WBP4: variants seen among roughly 807,000 people sequenced by gnomAD.
WBP4 encodes WW domain-binding protein 4.
Under a neutral mutation model 55.4 loss-of-function variants are expected in WBP4, and 37 were observed. That is an observed-to-expected ratio of 0.67 (90% CI 0.51 to 0.88). The LOEUF (loss-of-function observed/expected upper bound fraction) is 0.88. Ranked by LOEUF, WBP4 falls within the 40% of genes least tolerant of loss-of-function variation. The pLI, the probability that WBP4 is intolerant of heterozygous loss-of-function variation, is 0.00. For missense variants in WBP4, 398 were observed against 420.8 expected (o/e 0.95, Z 0.47); for synonymous variants, 142 against 140.2 (o/e 1.01, Z -0.09).
At chr13:41,075,744 C>A (rs1004749953) in intron 7 of WBP4, among the ~76,000 whole-genome samples, 3 of 152,118 alleles carry the variant, frequency 2.0e-5, no homozygotes, top group African/African-American at 7.2e-5. Flanking sequence ...ATTATCAATA[C>A]GTTTCCTGAA....
At chr13:41,065,404 TG>T (rs1877930284) in intron 4 of WBP4, 117 bp downstream of exon 4, 1 of 1,363,596 alleles carries the variant, frequency 7.3e-7, no homozygotes, top group South Asian at 1.6e-5. Flanking sequence ...GTACTCTCAG[TG>T]CTTTTATTAT....
chr13:41,065,203 A>G lies in WBP4; in HGVS notation c.178A>G (p.Lys60Glu), dbSNP rs755811630. The G allele has an allele frequency of 1.3e-5, 21 of 1,613,232 alleles. No homozygotes were observed. The highest frequency in any genetic ancestry group is 1.8e-5 in the Non-Finnish European group (21 of 1,179,710). The change falls in exon 4 of 10, where the codon AAG (lysine) becomes GAG (glutamate). Residue 60 changes from lysine (K) to glutamate (E), a missense_variant. Transcript: ENST00000379487. Reference protein sequence around the residue: ...KSLDKAKEEEKASKEFAAMEA... With the variant: ...KSLDKAKEEEEASKEFAAMEA... ...CCTGGATAAGGCAAAGGAAGAAGAA[A>G]AGGCATCAAAGGAGTTTGCTGCAAT...
chr13:41,077,621 G>A (rs1016495797), intron 8 of WBP4, among the ~76,000 whole-genome samples: 3 of 152,162 alleles, frequency 2.0e-5, no homozygotes, highest in African/African-American at 7.2e-5. Flanking sequence ...CATAATATTG[G>A]AAGTGCTAGC....
At chr13:41,062,383 G>A in intron 1 of WBP4, 1 of 828,782 alleles carries the variant, frequency 1.2e-6, no homozygotes, top group Non-Finnish European at 1.5e-6. Flanking sequence ...TAACGATGAC[G>A]ATAACAAGTG....
rs1427720732 is a variant in WBP4 at position 41,082,725 on chromosome 13, TC to T, written c.944del (p.Pro315GlnfsTer55). ...CCAGTGAGGAGGTAGATTTGGAACTTCCAAGCACTGAAAATGAGTATGTATC... is the reference window on the plus strand; with the variant it reads ...CCAGTGAGGAGGTAGATTTGGAACTTCAAGCACTGAAAATGAGTATGTATC... Reference protein sequence around the residue: ...ESHEEVDLELPSTENEYVSTS... With the variant: ...ESHEEVDLELXSTENEYVSTS... On this transcript the variant is annotated frameshift_variant, in exon 10 of 10. Transcript: ENST00000379487. LOFTEE classifies it high-confidence loss of function. The T allele has an allele frequency of 4.3e-6, 7 of 1,613,896 alleles. No individual in the cohort carries two copies. Among genetic ancestry groups the T allele is most frequent in the Non-Finnish European group, 5.9e-6 (7 of 1,180,004 alleles).
intron 8 of WBP4, among the ~76,000 whole-genome samples, chr13:41,077,715 T>C (rs1479908023): frequency 1.3e-5 from 2 of 152,184 alleles, no homozygotes; most frequent in Admixed American, 1.3e-4. Context: ...GCTGATTAAA[T>C]GATCTTACTA....
intron 9 of WBP4, among the ~76,000 whole-genome samples, chr13:41,082,115 G>T (rs572126502): frequency 6.6e-6 from 1 of 152,142 alleles, no homozygotes; most frequent in Non-Finnish European, 1.5e-5. Context: ...TGAAGGGCTA[G>T]TTCTTAGCAA....
intron 5 of WBP4, among the ~76,000 whole-genome samples, chr13:41,070,136 A>G (rs986765846): frequency 1.3e-5 from 2 of 152,220 alleles, no homozygotes; most frequent in Non-Finnish European, 1.5e-5. Flanking sequence ...TTAAGATTAT[A>G]TGGGAACTCA....
At chr13:41,062,756 T>G (rs113780134) in intron 2 of WBP4, 40 bp downstream of exon 2, 1 of 1,566,480 alleles carries the variant, frequency 6.4e-7, no homozygotes. Flanking sequence ...ATAATAATTG[T>G]GTTGAATGAA....
intron 8 of WBP4, 68 bp from the exon 9 acceptor site, chr13:41,080,578 C>A: frequency 8.2e-7 from 1 of 1,219,446 alleles, no homozygotes; most frequent in Non-Finnish European, 1.1e-6. Context: ...CCTTTAAAAG[C>A]CTTAAATTTT....
chr13:41,068,989 T>A (rs767802768), intron 5 of WBP4, among the ~76,000 whole-genome samples: 3 of 152,222 alleles, frequency 2.0e-5, no homozygotes, highest in Admixed American at 6.5e-5. Flanking sequence ...CTTTATATTT[T>A]CTCAATAGAA....
At chr13:41,067,040 G>T (rs1490809992) in intron 4 of WBP4, among the ~76,000 whole-genome samples, 1 of 152,164 alleles carries the variant, frequency 6.6e-6, no homozygotes, top group African/African-American at 2.4e-5. Flanking sequence ...CCTGGTTGGA[G>T]TGCAGTGGCA....
Position 41,080,807 on chromosome 13 carries a change from T to C in WBP4, c.918T>C (p.Ser306=). 3.1e-6 allele frequency: 5 copies of C among 1,605,260 alleles called. No homozygotes were observed. Among genetic ancestry groups the C allele is most frequent in the Non-Finnish European group, 4.2e-6 (5 of 1,178,098 alleles). Residue 306 remains serine (S), a splice_region_variant and synonymous_variant, in exon 9 of 10, where the codon TCT becomes TCC. Transcript: ENST00000379487. The part of the protein sequence containing the change: ...EWQEIKQEVE[S]HEEVDLELPS... ...AAGAAATTAAACAAGAGGTTGAGTC[T>C]CAGTAAGTACCTGGAGCTTTAATCC...
At chr13:41,080,524 C>A in intron 8 of WBP4, 122 bp from the exon 9 acceptor site, 1 of 709,930 alleles carries the variant, frequency 1.4e-6, no homozygotes, top group Non-Finnish European at 2.3e-6. Context: ...GTGTTATGTG[C>A]AGATTTGAGT....
chr13:41,065,035 G>C lies in WBP4; in HGVS notation c.95G>C (p.Arg32Thr), dbSNP rs141098047. The C allele has an allele frequency of 1.3e-6, 2 of 1,587,490 alleles. No individual in the cohort carries two copies. Among genetic ancestry groups the C allele is most frequent in the Non-Finnish European group, 1.7e-6 (2 of 1,172,706 alleles). Residue 32 changes from arginine (R) to threonine (T), a missense_variant, in exon 3 of 10, where the codon AGA becomes ACA. Arg to Thr is a moderately conservative substitution (Grantham distance 71). Transcript: ENST00000379487. ...TTCAAGAGTGTTGAATTTCATGAAA[G>C]AGGAAAGAATCATAAGGAAAATGTG... ...DNRPSVEFHE[R>T]GKNHKENVAK...
In WBP4 at chr13:41,062,114, T is replaced by C. The variant is rs1408202082; in HGVS notation, c.2+439T>C. 2.1e-5 allele frequency: 20 copies of C among 974,112 alleles called. No individual in the cohort carries two copies. The South Asian group carries it at 9.2e-4, about 45-fold the overall frequency. The allele number at this position is 974,112 out of a possible 1,614,324, so 60.3% of individuals were successfully genotyped here. On this transcript the variant is annotated intron_variant, in intron 1 of 9. Coordinates refer to ENST00000379487, the MANE Select transcript of WBP4 (RefSeq NM_007187.5). ...CGTAATGGTTTTTTTTTTTTTTTTT[T>C]TTTTTTTTTTGTCGGCCGTCTACGA...
In WBP4 at chr13:41,070,652, G is replaced by T. The variant is rs1011922796; in HGVS notation, c.440-875G>T. 1.4e-4 allele frequency among the ~76,000 whole-genome samples: 22 copies of T among 152,116 alleles called. 1 individual carries two copies. Among genetic ancestry groups the T allele is most frequent in the African/African-American group, 5.3e-4 (22 of 41,408 alleles). The stretch of plus-strand genomic sequence containing the variant: ...ATTGATGGTTACAGTGTGGAGCTGA[G>T]CAAAATTGAGTCTGGGGATGTAGAT... On this transcript the variant is annotated intron_variant, in intron 5 of 9. Coordinates refer to ENST00000379487, the MANE Select transcript of WBP4 (RefSeq NM_007187.5).
Position 41,082,726 on chromosome 13 carries a change from C to T in WBP4, c.943C>T (p.Pro315Ser). 6.2e-7 allele frequency: 1 copy of T among 1,613,934 alleles called. No homozygotes were observed. Among genetic ancestry groups the T allele is most frequent in the South Asian group, 1.1e-5 (1 of 91,080 alleles). Residue 315 changes from proline to serine, a missense_variant, in exon 10 of 10, where the codon CCA becomes TCA. Physicochemically the swap from Pro to Ser is moderately conservative, Grantham distance 74. Transcript: ENST00000379487. ...CAGTGAGGAGGTAGATTTGGAACTT[C>T]CAAGCACTGAAAATGAGTATGTATC... The part of the protein sequence containing the change: ...ESHEEVDLEL[P>S]STENEYVSTS...
chr13:41,071,462 A>C (rs544786517), intron 5 of WBP4, 65 bp from the exon 6 acceptor site: 2 of 1,471,690 alleles, frequency 1.4e-6, no homozygotes, highest in Non-Finnish European at 1.9e-6. Flanking sequence ...ATTTTGTCCA[A>C]ATTTTTTGGA....
Sources: gnomAD v4.1 joint callset for allele counts (sites outside exome capture counted in the v4.1 genomes callset) on GRCh38, gnomAD v4.1.1 for gene constraint, MANE v1.5 for transcripts, NCBI Gene and HGNC (gene_info 2026-07-23, HGNC 2026-07-21) for gene names.